NEK1: variants seen among roughly 807,000 people sequenced by gnomAD.
The protein encoded by NEK1 is serine/threonine-protein kinase Nek1.
NEK1 carries 137 observed loss-of-function variants against 182.1 expected under a neutral mutation model. The observed-to-expected ratio is 0.75, with a 90% CI of 0.65 to 0.87. The LOEUF (loss-of-function observed/expected upper bound fraction) is 0.87, where lower values mean the gene tolerates loss of function less well. Ranked by LOEUF, NEK1 falls within the 40% of genes least tolerant of loss-of-function variation. The probability of loss-of-function intolerance (pLI) is 0.00; values close to 1 mark genes in which losing one functional copy is unlikely to be tolerated. For missense variants in NEK1, 1,391 were observed against 1,494.4 expected, an observed-to-expected ratio of 0.93 and a Z score of 1.14; for synonymous variants, 513 against 492.2, an observed-to-expected ratio of 1.04 and a Z score of -0.56.
At chr4:169,447,152 C>T (rs997571744) in intron 27 of NEK1, among the ~76,000 whole-genome samples, 5 of 152,178 alleles carry the variant, frequency 3.3e-5, no homozygotes, top group Non-Finnish European at 7.3e-5. Flanking sequence ...ACTAATCAAA[C>T]TCCAAAAGGT....
rs117142390 is a variant in NEK1, at chr4:169,404,358, A to G, written c.3374+2238T>C. Among the ~76,000 whole-genome samples, 138 of 152,286 alleles carry G rather than the reference A, an allele frequency of 9.1e-4. 3 individuals are homozygous for G. The East Asian group carries it at 0.025, about 28-fold the overall frequency. ...TACAGAACTCTAGGAAAAATGAAAA[A>G]GGCAATCTTTTAAAAATGAAGTTTC... is the stretch of plus-strand genomic sequence containing the variant. On this transcript the variant is annotated intron_variant, in intron 32 of 35. Coordinates refer to ENST00000507142, the MANE Select transcript of NEK1 (RefSeq NM_001199397.3).
intron 35 of NEK1, 24 bp from the exon 36 acceptor site, chr4:169,394,547 A>T: frequency 7.3e-7 from 1 of 1,368,264 alleles, no homozygotes; most frequent in Non-Finnish European, 1.0e-6. Flanking sequence ...AAAAAAATTG[A>T]CTTCATTTCA....
intron 32 of NEK1, among the ~76,000 whole-genome samples, chr4:169,403,869 G>C (rs889014691): frequency 6.8e-6 from 1 of 147,544 alleles, no homozygotes; most frequent in African/African-American, 2.5e-5. Flanking sequence ...CTAAAGTTTA[G>C]ACAAAAAAAA....
chr4:169,533,879 A>G (rs191613140), intron 19 of NEK1, among the ~76,000 whole-genome samples: 19 of 152,368 alleles, frequency 1.2e-4, no homozygotes, highest in African/African-American at 4.3e-4. Flanking sequence ...ATAAGTACTC[A>G]CATTGAAAGC....
At chr4:169,587,503 A>G in intron 9 of NEK1, 56 bp downstream of exon 9, 1 of 958,406 alleles carries the variant, frequency 1.0e-6, no homozygotes, top group Non-Finnish European at 1.5e-6. Context: ...TATAATAAAA[A>G]CATTATAGTC....
intron 31 of NEK1, 48 bp from the exon 32 acceptor site, chr4:169,406,795 A>G (rs1177762359): frequency 3.4e-6 from 5 of 1,474,286 alleles, no homozygotes; most frequent in Non-Finnish European, 3.7e-6. Context: ...GATAATTAAA[A>G]CATAAAAATG....
chr4:169,477,480 A>T lies in NEK1; in HGVS notation c.2157T>A (p.Asp719Glu). 1 of 1,607,112 alleles carries T rather than the reference A, an allele frequency of 6.2e-7. No individual in the cohort carries two copies. Among genetic ancestry groups the T allele is most frequent in the Non-Finnish European group, 8.5e-7 (1 of 1,176,314 alleles). Residue 719 changes from aspartate (D) to glutamate (E), a missense_variant, in exon 25 of 36, where the codon GAT (aspartate) becomes GAA (glutamate). Around this residue, in one of 5 missense-constraint regions of NEK1, gnomAD observed 1,216 missense variants for 1,277.6 expected, o/e 0.95. Transcript: ENST00000507142. ...KEVGVDSSLT[D>E]TRETSEEMQK... Reference sequence around the variant, plus strand: ...GCATCTCTTCTGAAGTTTCCCGGGTATCAGTTAAACTACTGTCCTTTAAAT... The same window carrying T: ...GCATCTCTTCTGAAGTTTCCCGGGTTTCAGTTAAACTACTGTCCTTTAAAT...
chr4:169,448,083 T>C (rs973389011), intron 27 of NEK1, among the ~76,000 whole-genome samples: 8 of 151,756 alleles, frequency 5.3e-5, no homozygotes, highest in African/African-American at 1.9e-4. Context: ...CCATGTGTGG[T>C]GGCTACAAGC....
intron 23 of NEK1, 163 bp downstream of exon 23, chr4:169,506,874 G>C: frequency 5.1e-6 from 2 of 394,270 alleles, no homozygotes; most frequent in Admixed American, 8.6e-5. Context: ...GAGAGACAGA[G>C]AGACTGAGAA....
intron 10 of NEK1, among the ~76,000 whole-genome samples, chr4:169,582,688 T>C (rs540412508): frequency 1.3e-5 from 2 of 152,276 alleles, no homozygotes; most frequent in East Asian, 1.9e-4. Flanking sequence ...ATGGGGCATA[T>C]AGAATCCAAG....
intron 5 of NEK1, among the ~76,000 whole-genome samples, chr4:169,593,785 G>C (rs547762455): frequency 6.6e-6 from 1 of 152,042 alleles, no homozygotes; most frequent in African/African-American, 2.4e-5. Context: ...TCAGGAGATC[G>C]AGACCATCCT....
At chr4:169,564,907 T>C (rs1188938382) in intron 12 of NEK1, among the ~76,000 whole-genome samples, 1 of 152,168 alleles carries the variant, frequency 6.6e-6, no homozygotes, top group Non-Finnish European at 1.5e-5. Flanking sequence ...CTCAAGGCTA[T>C]AGCAACAAAG....
intron 12 of NEK1, 129 bp downstream of exon 12, chr4:169,576,799 C>T: frequency 2.2e-6 from 2 of 892,188 alleles, no homozygotes; most frequent in Non-Finnish European, 3.4e-6. Context: ...TGGTAAAACA[C>T]AGAAGGAGGA....
chr4:169,561,734 T>C lies in NEK1; in HGVS notation c.1144A>G (p.Ile382Val), dbSNP rs1198417555. The C allele has an allele frequency of 7.6e-6, 12 of 1,579,230 alleles. No homozygotes were observed. Among genetic ancestry groups the C allele is most frequent in the Non-Finnish European group, 1.0e-5 (12 of 1,160,436 alleles). The change falls in exon 15 of 36, where the codon ATT becomes GTT. Residue 382 changes from isoleucine (I) to valine (V), a missense_variant. Transcript: ENST00000507142. ...EKEKKQKDQI[I>V]SLMKAEQMKR... ...ATTTGTTCAGCCTTCATTAAACTAA[T>C]AATCTGTAACAATTTTAAAGACAAG...
In NEK1 at chr4:169,508,790, C is replaced by T. The variant is rs776189543; in HGVS notation, c.1728G>A (p.Lys576=). Residue 576 remains lysine, a synonymous_variant, in exon 20 of 36, where the codon AAG becomes AAA. Coordinates refer to ENST00000507142, the MANE Select transcript of NEK1 (RefSeq NM_001199397.3). ...ATACCTCTTCCTCTTTGTTTCTTGG[C>T]TTCCCTCCTCTTGAAGAGCTGGGCC... ...GGRPSSSRGG[K]PRNKEEEVYL... The T allele has an allele frequency of 2.1e-5, 33 of 1,587,348 alleles. No homozygotes were observed. The East Asian group carries it at 6.9e-4, about 33-fold the overall frequency.
intron 18 of NEK1, among the ~76,000 whole-genome samples, chr4:169,550,621 C>T (rs1761282739): frequency 6.6e-6 from 1 of 152,174 alleles, no homozygotes; most frequent in South Asian, 2.1e-4. Context: ...TCATTATTCT[C>T]ATAGCTATGT....
At chr4:169,585,272 T>C (rs1767344969) in intron 10 of NEK1, 77 bp downstream of exon 10, 1 of 983,538 alleles carries the variant, frequency 1.0e-6, no homozygotes, top group African/African-American at 1.6e-5. Flanking sequence ...CCAGATGTGT[T>C]CTCCTCAACA....
intron 12 of NEK1, chr4:169,576,470 G>C (rs1765704628): frequency 1.3e-5 from 2 of 155,012 alleles, no homozygotes. Context: ...GTGTTCTTGG[G>C]CATGTCGCTT....
chr4:169,602,425 C>CTTTT, intron 3 of NEK1, 89 bp downstream of exon 3: 1 of 624,976 alleles, frequency 1.6e-6, no homozygotes, highest in South Asian at 2.0e-5. Flanking sequence ...TTATCGATTA[C>CTTTT]TTTTTTTTTT....
Sources: allele counts gnomAD v4.1 joint callset (sites outside exome capture counted in the v4.1 genomes callset), GRCh38; gene constraint gnomAD v4.1.1; regional missense constraint gnomAD v4.1.1; transcripts MANE v1.5; gene names NCBI Gene and HGNC (gene_info 2026-07-23, HGNC 2026-07-21).